SYT1: variants seen among roughly 807,000 people sequenced by gnomAD.
SYT1 encodes the protein synaptotagmin-1.
A neutral mutation model predicts 44.8 loss-of-function variants in SYT1; 8 were observed. The observed-to-expected ratio is 0.18, with a 90% CI of 0.10 to 0.32. The LOEUF (loss-of-function observed/expected upper bound fraction) is 0.32, where lower values mean the gene tolerates loss of function less well. SYT1 is among the 10% of genes least tolerant of loss of function. SYT1 has a pLI of 1.00. For synonymous variants in SYT1, 154 were observed against 188.8 expected, an observed-to-expected ratio of 0.82 and a Z score of 1.51; for missense variants, 286 against 509.3, an observed-to-expected ratio of 0.56 and a Z score of 4.22.
intron 1 of SYT1, among the ~76,000 whole-genome samples, chr12:78,933,809 TAAAG>T (rs1412123297): frequency 2.0e-5 from 3 of 151,900 alleles, no homozygotes; most frequent in Non-Finnish European, 4.4e-5. Flanking sequence ...AAGAGAGAAA[TAAAG>T]AGTGAGAGAA....
At chr12:79,280,610 G>A (rs927181723) in intron 4 of SYT1, among the ~76,000 whole-genome samples, 1 of 151,862 alleles carries the variant, frequency 6.6e-6, no homozygotes, top group South Asian at 2.1e-4. Context: ...AAAGATTTAT[G>A]ACCAAGACCC....
chr12:78,870,293 C>T (rs554466954), intron 1 of SYT1, among the ~76,000 whole-genome samples: 26 of 152,122 alleles, frequency 1.7e-4, no homozygotes, highest in African/African-American at 6.0e-4. Flanking sequence ...GAAATATCCA[C>T]TTAATTAAAT....
At chr12:79,152,608 TTATATC>T (rs1870342542) in intron 3 of SYT1, among the ~76,000 whole-genome samples, 1 of 152,094 alleles carries the variant, frequency 6.6e-6, no homozygotes, top group Admixed American at 6.6e-5. Context: ...TATTTATCCA[TTATATC>T]TATTCTATGA....
chr12:79,308,408 C>A (rs1242881570), intron 8 of SYT1, among the ~76,000 whole-genome samples: 2 of 151,348 alleles, frequency 1.3e-5, no homozygotes, highest in Non-Finnish European at 2.9e-5. Context: ...CCTGTAATCC[C>A]AGCTACTCGG....
In SYT1 at chr12:78,916,113, G is replaced by A. The variant is rs563452745; in HGVS notation, c.-217+51004G>A. ...AAAACTAGAAGAAATGAACCCCAACGGAAGACTCCGGTTTCAGTTATCAGT... is the reference window on the plus strand; with the variant it reads ...AAAACTAGAAGAAATGAACCCCAACAGAAGACTCCGGTTTCAGTTATCAGT... On this transcript the variant is annotated intron_variant, in intron 1 of 10. Transcript: ENST00000261205. Among the ~76,000 whole-genome samples the A allele has an allele frequency of 1.2e-3, 187 of 152,084 alleles. 1 individual carries two copies. The highest frequency in any genetic ancestry group is 3.7e-3 in the Admixed American group (57 of 15,238).
In SYT1 at chr12:79,450,366, A is replaced by G. The variant is rs1870984718; in HGVS notation, c.*1242A>G. On this transcript the variant is annotated 3_prime_UTR_variant, in exon 11 of 11. Coordinates refer to ENST00000261205, the MANE Select transcript of SYT1 (RefSeq NM_005639.3). ...AAAACAGACAGCTAGTGATCTTTTTATATGCTCTTTTTACTTAAGTTTTAA... is the reference window on the plus strand; with the variant it reads ...AAAACAGACAGCTAGTGATCTTTTTGTATGCTCTTTTTACTTAAGTTTTAA... 3 of 152,626 alleles carry G rather than the reference A, an allele frequency of 2.0e-5. No homozygotes were observed. The South Asian group carries it at 6.2e-4, about 32-fold the overall frequency. 9.5% of individuals were successfully genotyped at this position (152,626 alleles called of 1,614,324 possible). A position where few individuals can be genotyped will look rare whatever the true frequency, so the allele number is the denominator to read the frequency against.
At chr12:79,249,082 C>CTCTT (rs1491387114) in intron 4 of SYT1, among the ~76,000 whole-genome samples, 2 of 106,596 alleles carry the variant, frequency 1.9e-5, no homozygotes, top group East Asian at 4.9e-4. Context: ...TTCTCTTTAC[C>CTCTT]TCTTTCTTTT....
intron 3 of SYT1, among the ~76,000 whole-genome samples, chr12:79,175,412 A>C (rs1871796798): frequency 6.6e-6 from 1 of 152,208 alleles, no homozygotes; most frequent in South Asian, 2.1e-4. Flanking sequence ...GCAAACTTAA[A>C]TGGGAAACAT....
chr12:79,179,163 G>T (rs372001488), intron 3 of SYT1, among the ~76,000 whole-genome samples: 63 of 59,186 alleles, frequency 1.1e-3, no homozygotes, highest in East Asian at 5.7e-3. Flanking sequence ...TAGATATATA[G>T]ATATAGATAT....
chr12:79,407,111 G>C (rs1459200358), intron 9 of SYT1, among the ~76,000 whole-genome samples: 1 of 152,084 alleles, frequency 6.6e-6, no homozygotes, highest in Non-Finnish European at 1.5e-5. Flanking sequence ...CTTAGCACAG[G>C]CCCTGACAAA....
intron 9 of SYT1, among the ~76,000 whole-genome samples, chr12:79,435,372 T>G (rs919573351): frequency 1.3e-5 from 2 of 152,234 alleles, no homozygotes; most frequent in Admixed American, 1.3e-4. Context: ...TCTTGCTATA[T>G]TGCCCAGGCA....
intron 3 of SYT1, among the ~76,000 whole-genome samples, chr12:79,207,135 A>G (rs2138519442): frequency 6.6e-6 from 1 of 152,306 alleles, no homozygotes; most frequent in Admixed American, 6.5e-5. Context: ...GCTGCCATTG[A>G]ATCAGGTACA....
chr12:79,068,953 C>T (rs1289106386), intron 3 of SYT1, among the ~76,000 whole-genome samples: 1 of 152,002 alleles, frequency 6.6e-6, no homozygotes, highest in African/African-American at 2.4e-5. Flanking sequence ...ATAATGATAC[C>T]AGAGATCAGT....
chr12:79,276,380 C>CT (rs1565886757), intron 4 of SYT1, among the ~76,000 whole-genome samples: 1 of 151,096 alleles, frequency 6.6e-6, no homozygotes, highest in Non-Finnish European at 1.5e-5. Context: ...AAAAACAAAA[C>CT]AAAAAAAACA....
chr12:78,953,466 T>G (rs1159646266), intron 1 of SYT1, among the ~76,000 whole-genome samples: 2 of 152,122 alleles, frequency 1.3e-5, no homozygotes, highest in Admixed American at 1.3e-4. Flanking sequence ...AGTGCATTTA[T>G]GTATACACTG....
chr12:78,948,751 GC>G (rs1157241920), intron 1 of SYT1, among the ~76,000 whole-genome samples: 2 of 151,744 alleles, frequency 1.3e-5, no homozygotes, highest in African/African-American at 4.8e-5. Context: ...GAACACGTTA[GC>G]ATTTTAAGTA....
chr12:78,891,083 T>C (rs556850294), intron 1 of SYT1, among the ~76,000 whole-genome samples: 18 of 151,930 alleles, frequency 1.2e-4, no homozygotes, highest in Non-Finnish European at 2.2e-4. Flanking sequence ...TATTTTATTA[T>C]TGGTTTATTG....
At chr12:79,321,520 T>G (rs546917458) in intron 8 of SYT1, among the ~76,000 whole-genome samples, 2 of 152,358 alleles carry the variant, frequency 1.3e-5, no homozygotes, top group African/African-American at 4.8e-5. Flanking sequence ...ATTCTAGTTC[T>G]TCCTCTTTTA....
intron 1 of SYT1, among the ~76,000 whole-genome samples, chr12:78,873,284 A>G (rs995222463): frequency 3.3e-5 from 5 of 151,704 alleles, no homozygotes; most frequent in Admixed American, 6.6e-5. Flanking sequence ...TTCTCTTACT[A>G]TGTAAGAACT....
Sources: gnomAD v4.1 joint callset for allele counts (sites outside exome capture counted in the v4.1 genomes callset) on GRCh38, gnomAD v4.1.1 for gene constraint, MANE v1.5 for transcripts, NCBI Gene and HGNC (gene_info 2026-07-23, HGNC 2026-07-21) for gene names.